Variants in SDK2 observed in about 807,000 individuals in gnomAD.
The protein encoded by SDK2 is protein sidekick-2.
SDK2 carries 105 observed loss-of-function variants against 253.9 expected under a neutral mutation model. The observed-to-expected ratio is 0.41, with a 90% confidence interval of 0.35 to 0.49. The LOEUF (loss-of-function observed/expected upper bound fraction) is 0.49. SDK2 is among the 20% of genes least tolerant of loss of function. The probability of loss-of-function intolerance (pLI) is 0.06; values close to 1 mark genes in which losing one functional copy is unlikely to be tolerated. For missense variants in SDK2, 2,608 were observed against 3,003.0 expected (o/e 0.87, Z 3.07); for synonymous variants, 1,249 against 1,234.9 (o/e 1.01, Z -0.24).
At chr17:73,408,206 T>G (rs2063096235) in intron 18 of SDK2, among the ~76,000 whole-genome samples, 1 of 151,270 alleles carries the variant, frequency 6.6e-6, no homozygotes, top group Admixed American at 6.6e-5. Context: ...CATGTACCAC[T>G]ACACCTGGCT....
At chr17:73,501,093 T>C (rs2063887368) in intron 2 of SDK2, among the ~76,000 whole-genome samples, 1 of 152,180 alleles carries the variant, frequency 6.6e-6, no homozygotes, top group South Asian at 2.1e-4. Flanking sequence ...GCTCCAGCAC[T>C]AACACTAGAG....
chr17:73,355,990 C>T (rs773625006), intron 40 of SDK2, among the ~76,000 whole-genome samples: 1 of 152,188 alleles, frequency 6.6e-6, no homozygotes, highest in Admixed American at 6.5e-5. Flanking sequence ...GTCAAGCATC[C>T]TGGGTCTACG....
chr17:73,616,329 A>G lies in SDK2; in HGVS notation c.64+27696T>C, dbSNP rs2046056680. On this transcript the variant is annotated intron_variant, in intron 1 of 44. Transcript: ENST00000392650. The surrounding 1 kb of genome is among the most constrained non-coding windows in gnomAD (Gnocchi z 5.2). ...TTTCCACCCCCGGCTCCCCACCTCA[A>G]CAGTCTCCCCAGCCCCAGCTCAGCA... Among the ~76,000 whole-genome samples, 1 of 151,926 alleles carries G rather than the reference A, an allele frequency of 6.6e-6. No individual in the cohort carries two copies. Among genetic ancestry groups the G allele is most frequent in the East Asian group, 1.9e-4 (1 of 5,156 alleles).
In SDK2 at chr17:73,643,846, A is replaced by G. The variant is rs1056961398; in HGVS notation, c.64+179T>C. On this transcript the variant is annotated intron_variant, in intron 1 of 44. Transcript: ENST00000392650. The surrounding 1 kb of genome is among the most constrained non-coding windows in gnomAD (Gnocchi z 6.9). The stretch of plus-strand genomic sequence containing the variant: ...CCACAAGTCTCGGAGAGACTGCCCC[A>G]CCCCCAAAAGAGCCCCAAAACTTGG... Among the ~76,000 whole-genome samples the G allele has an allele frequency of 6.6e-6, 1 of 150,626 alleles. No individual in the cohort carries two copies. The highest frequency in any genetic ancestry group is 2.5e-5 in the African/African-American group (1 of 40,804).
intron 2 of SDK2, among the ~76,000 whole-genome samples, chr17:73,499,550 C>A (rs2145743094): frequency 6.6e-6 from 1 of 152,352 alleles, no homozygotes; most frequent in South Asian, 2.1e-4. Flanking sequence ...GGGGGTCCTG[C>A]CTTCATGGCC....
chr17:73,594,011 T>A (rs956472887), intron 1 of SDK2, among the ~76,000 whole-genome samples: 1 of 151,964 alleles, frequency 6.6e-6, no homozygotes, highest in South Asian at 2.1e-4. Context: ...GGCTTGGAGG[T>A]TAAGAAAATG....
At chr17:73,554,288 G>A (rs992899800) in intron 1 of SDK2, among the ~76,000 whole-genome samples, 5 of 152,178 alleles carry the variant, frequency 3.3e-5, no homozygotes, top group Non-Finnish European at 7.3e-5. Flanking sequence ...ACACTGTTAT[G>A]AGCCAAACTT....
intron 1 of SDK2, among the ~76,000 whole-genome samples, chr17:73,567,609 G>A (rs538331055): frequency 8.5e-5 from 13 of 152,262 alleles, no homozygotes; most frequent in Non-Finnish European, 1.8e-4. Context: ...AACAGCCAGG[G>A]GGGCTGTGCC....
At chr17:73,416,108 C>T (rs2145571853) in intron 16 of SDK2, 116 bp from the exon 17 acceptor site, 4 of 941,608 alleles carry the variant, frequency 4.2e-6, no homozygotes, top group South Asian at 1.6e-5. Flanking sequence ...CGGAAGTGCT[C>T]TGCACCTGTG....
chr17:73,556,388 T>C (rs955913571), intron 1 of SDK2, among the ~76,000 whole-genome samples: 3 of 152,184 alleles, frequency 2.0e-5, no homozygotes, highest in Admixed American at 6.5e-5. Context: ...CAGAGCTCAC[T>C]TTATCCAGAT....
intron 1 of SDK2, among the ~76,000 whole-genome samples, chr17:73,563,836 C>A (rs2045273041): frequency 6.6e-6 from 1 of 151,838 alleles, no homozygotes; most frequent in Admixed American, 6.6e-5. Flanking sequence ...GCGATGGCAC[C>A]ATCATGGCTT....
intron 1 of SDK2, among the ~76,000 whole-genome samples, chr17:73,575,389 C>T (rs560083832): frequency 2.0e-5 from 3 of 152,228 alleles, no homozygotes; most frequent in Admixed American, 6.5e-5. Flanking sequence ...TTCTTTCACT[C>T]GTTCATTCAC....
chr17:73,361,549 C>G lies in SDK2; in HGVS notation c.5467+135G>C. On this transcript the variant is annotated intron_variant, in intron 39 of 44. Transcript: ENST00000392650. This position sits in a 1 kb window ranked among gnomAD's most constrained non-coding sequence, Gnocchi z 4.1. ...GGGAGCGGGGGGAGGGGTCACTGGG[C>G]ACCAGGGGAAAGAGTGAGCTCTGTC... The G allele has an allele frequency of 1.2e-6, 1 of 832,554 alleles. No individual in the cohort carries two copies. The highest frequency in any genetic ancestry group is 1.8e-6 in the Non-Finnish European group (1 of 547,842). The allele number at this position is 832,554 out of a possible 1,614,324, so 51.6% of individuals were successfully genotyped here. A position where few individuals can be genotyped will look rare whatever the true frequency, so the allele number is the denominator to read the frequency against.
At chr17:73,614,079 G>A (rs1039155310) in intron 1 of SDK2, among the ~76,000 whole-genome samples, 2 of 151,950 alleles carry the variant, frequency 1.3e-5, no homozygotes, top group East Asian at 1.9e-4. Flanking sequence ...CCTCCCTGCC[G>A]GCCCCTGCCC....
chr17:73,589,014 G>A (rs948180194), intron 1 of SDK2, among the ~76,000 whole-genome samples: 3 of 152,274 alleles, frequency 2.0e-5, no homozygotes, highest in African/African-American at 7.2e-5. Flanking sequence ...AGCCAGAGCC[G>A]GGGTCCTCCC....
chr17:73,503,146 G>A (rs1467373869), intron 2 of SDK2, among the ~76,000 whole-genome samples: 1 of 152,184 alleles, frequency 6.6e-6, no homozygotes, highest in Non-Finnish European at 1.5e-5. Flanking sequence ...TAGATTTAAG[G>A]TGTATCAAGA....
chr17:73,489,211 C>T (rs2063788706), intron 2 of SDK2, among the ~76,000 whole-genome samples: 1 of 152,168 alleles, frequency 6.6e-6, no homozygotes, highest in Non-Finnish European at 1.5e-5. Context: ...TGCACTGTTC[C>T]CCAGCTCTAC....
intron 3 of SDK2, among the ~76,000 whole-genome samples, chr17:73,460,572 G>A (rs1356406301): frequency 1.3e-5 from 2 of 152,152 alleles, no homozygotes; most frequent in Non-Finnish European, 2.9e-5. Flanking sequence ...AATATTGGAA[G>A]CCTACATATT....
At chr17:73,498,828 C>T (rs967900312) in intron 2 of SDK2, among the ~76,000 whole-genome samples, 2 of 152,136 alleles carry the variant, frequency 1.3e-5, no homozygotes, top group African/African-American at 4.8e-5. Context: ...AGTGCCACTG[C>T]CCGGGGGAAG....
Sources: allele counts gnomAD v4.1 joint callset (sites outside exome capture counted in the v4.1 genomes callset), GRCh38; gene constraint gnomAD v4.1.1; non-coding constraint Gnocchi (gnomAD v3.1); transcripts MANE v1.5; gene names NCBI Gene and HGNC (gene_info 2026-07-23, HGNC 2026-07-21).